FGD2: variants seen among roughly 807,000 people sequenced by gnomAD.
FGD2 encodes FYVE, RhoGEF and PH domain containing 2, also known as FYVE, RhoGEF and PH domain-containing protein 2.
Under a neutral mutation model 75.9 loss-of-function variants are expected in FGD2, and 52 were observed. That is an observed-to-expected ratio of 0.69 (90% confidence interval 0.55 to 0.86). The LOEUF is 0.86. Among genes scored for constraint, FGD2 ranks in the 40% least tolerant of loss-of-function variants. The pLI is 0.00. For synonymous variants in FGD2, 347 were observed against 348.6 expected, an observed-to-expected ratio of 1.00 and a Z score of 0.05; for missense variants, 790 against 872.0, an observed-to-expected ratio of 0.91 and a Z score of 1.18.
intron 14 of FGD2, 61 bp downstream of exon 14, chr6:37,025,999 A>G (rs778947212): frequency 5.8e-5 from 93 of 1,591,700 alleles, no homozygotes; most frequent in Non-Finnish European, 7.8e-5. Context: ...TGTGCCCGGC[A>G]ACCATGCTGG....
chr6:37,022,336 C>T lies in FGD2; in HGVS notation c.1424C>T (p.Thr475Met), dbSNP rs759332299. ...MRCQEPFNAL[T>M]RRRHHCRACG... is the part of the protein sequence containing the mutation. ...TGCCAGGAGCCCTTCAACGCTCTGACGCGCCGTCGCCACCACTGCCGGGCC... is the reference window on the plus strand; with the variant it reads ...TGCCAGGAGCCCTTCAACGCTCTGATGCGCCGTCGCCACCACTGCCGGGCC... Residue 475 changes from threonine to methionine, a missense_variant, in exon 13 of 16, where the codon ACG becomes ATG. Physicochemically the swap from Thr to Met is moderately conservative, Grantham distance 81 (BLOSUM62 -1). Coordinates refer to ENST00000274963, the MANE Select transcript of FGD2 (RefSeq NM_173558.4). The T allele has an allele frequency of 1.6e-5, 26 of 1,589,722 alleles. No homozygotes were observed. The highest frequency in any genetic ancestry group is 2.3e-5 in the East Asian group (1 of 42,662).
chr6:37,027,208 C>T lies in FGD2; in HGVS notation c.1606-221C>T, dbSNP rs1477966796. On this transcript the variant is annotated intron_variant, in intron 14 of 15. Transcript: ENST00000274963. The stretch of plus-strand genomic sequence containing the variant: ...CACCTGCCCCTTGTGGGCACACACG[C>T]GACAGGTTCAGGCAGGCTGGGGTTT... Among the ~76,000 whole-genome samples the T allele has an allele frequency of 2.0e-5, 3 of 152,268 alleles. No homozygotes were observed. In the East Asian group the frequency reaches 5.8e-4, roughly 29 times the overall value.
At chr6:37,027,006 G>GAA (rs111481581) in intron 14 of FGD2, among the ~76,000 whole-genome samples, 2 of 140,074 alleles carry the variant, frequency 1.4e-5, no homozygotes, top group Admixed American at 7.1e-5. Flanking sequence ...GAAACTATCT[G>GAA]AAAAAAAAAA....
In FGD2 at chr6:37,022,369, A is replaced by T. The variant is rs767022309; in HGVS notation, c.1457A>T (p.Tyr486Phe). Residue 486 changes from tyrosine (Y) to phenylalanine (F), a missense_variant and splice_region_variant, in exon 13 of 16, where the codon TAT becomes TTT. Coordinates refer to ENST00000274963, the MANE Select transcript of FGD2 (RefSeq NM_173558.4). ...CGCCACCACTGCCGGGCCTGCGGCT[A>T]TGTGAGTACTCCTGCCAGCACTCCT... ...RRRHHCRACG[Y>F]VVCARCSDYR... The T allele has an allele frequency of 4.4e-6, 7 of 1,576,510 alleles. No homozygotes were observed. The highest frequency in any genetic ancestry group is 6.0e-6 in the Non-Finnish European group (7 of 1,164,536).
intron 8 of FGD2, among the ~76,000 whole-genome samples, chr6:37,015,494 G>A (rs1765240684): frequency 6.6e-6 from 1 of 152,228 alleles, no homozygotes; most frequent in Non-Finnish European, 1.5e-5. Context: ...CTGAGCCCCT[G>A]TTGAGAAAGG....
intron 9 of FGD2, among the ~76,000 whole-genome samples, chr6:37,019,977 C>T (rs925407929): frequency 5.3e-5 from 8 of 151,904 alleles, no homozygotes; most frequent in South Asian, 2.1e-4. Context: ...CTCAGCCTCC[C>T]GAGTAGTTGG....
chr6:37,013,623 G>T lies in FGD2; in HGVS notation c.542G>T (p.Arg181Leu). The T allele has an allele frequency of 6.2e-7, 1 of 1,613,948 alleles. No homozygotes were observed. Among genetic ancestry groups the T allele is most frequent in the Non-Finnish European group, 8.5e-7 (1 of 1,179,892 alleles). The change falls in exon 5 of 16, where the codon CGC becomes CTC. Residue 181 changes from arginine to leucine, a missense_variant. Physicochemically the swap from Arg to Leu is moderately radical, Grantham distance 102. Transcript: ENST00000274963. ...CCCTCCTGCAGGACAGCTAACCCCC[G>T]CATCGGTGACGTGATCCAGAAGCTG... ...RRLDDWTANP[R>L]IGDVIQKLAP...
At chr6:37,012,820 A>G (rs1009498281) in intron 4 of FGD2, among the ~76,000 whole-genome samples, 1 of 151,472 alleles carries the variant, frequency 6.6e-6, no homozygotes, top group Non-Finnish European at 1.5e-5. Context: ...CAAAGATGCT[A>G]AGTGACTTAC....
intron 9 of FGD2, among the ~76,000 whole-genome samples, chr6:37,016,534 A>AT (rs59713417): frequency 0.03 from 4,063 of 136,746 alleles, 71 homozygotes; most frequent in Middle Eastern, 0.075. Flanking sequence ...AATCTTCTGG[A>AT]TTTTTTTTTT....
At chr6:37,026,244 C>T (rs1425185096) in intron 14 of FGD2, 1 of 985,338 alleles carries the variant, frequency 1.0e-6, no homozygotes, top group African/African-American at 1.7e-5. Flanking sequence ...TTCACGTCCC[C>T]ATGTCCTGCC....
chr6:37,020,506 T>G, intron 9 of FGD2, 35 bp from the exon 10 acceptor site: 498 of 1,575,958 alleles, frequency 3.2e-4, no homozygotes, highest in Non-Finnish European at 3.9e-4. Flanking sequence ...CGGGCTATGA[T>G]GAGTCTGAAC....
rs994886256 is a variant in FGD2, at chr6:37,028,303, C to T, written c.*140C>T. On this transcript the variant is annotated 3_prime_UTR_variant, in exon 16 of 16. Coordinates refer to ENST00000274963, the MANE Select transcript of FGD2 (RefSeq NM_173558.4). ...GATTCAGCCATCTGCGCCCAGGCCA[C>T]GTGTCCCGATCTGGGATTAGAAAAT... 74 of 780,010 alleles carry T rather than the reference C, an allele frequency of 9.5e-5. No individual in the cohort carries two copies. The East Asian group carries it at 1.4e-3, about 15-fold the overall frequency. 48.3% of individuals were successfully genotyped at this position (780,010 alleles called of 1,614,324 possible). A position where few individuals can be genotyped will look rare whatever the true frequency, so the allele number is the denominator to read the frequency against.
Position 37,011,685 on chromosome 6 carries a change from G to T in FGD2, c.379-21G>T, listed in dbSNP as rs751304612. On this transcript the variant is annotated intron_variant, in intron 3 of 15. Transcript: ENST00000274963. ...GTGGCTCCCTGTCACTGCAGTGAGT[G>T]ACCTGTCGTGGCGGCTACAGGTGTT... 52 of 1,613,462 alleles carry T rather than the reference G, an allele frequency of 3.2e-5. No individual in the cohort carries two copies. In the Admixed American group the frequency reaches 4.5e-4, roughly 14 times the overall value.
rs116252037 is a variant in FGD2 at position 37,015,605 on chromosome 6, A to G, written c.1030-163A>G. ...CTTGACAGCCCCTTCCTCATCACCT[A>G]CATCATCACCTGTGATGTCCTGTGA... On this transcript the variant is annotated intron_variant, in intron 8 of 15. Transcript: ENST00000274963. 5.1e-3 allele frequency among the ~76,000 whole-genome samples: 776 copies of G among 152,298 alleles called. 9 individuals are homozygous for G. The highest frequency in any genetic ancestry group is 0.017 in the African/African-American group (720 of 41,566).
Position 37,013,952 on chromosome 6 carries a change from C to A in FGD2, c.685-10C>A. 1.2e-6 allele frequency: 2 copies of A among 1,612,130 alleles called. No homozygotes were observed. Among genetic ancestry groups the A allele is most frequent in the East Asian group, 4.5e-5 (2 of 44,876 alleles). ...ACCCTCTCCGTGTTGCTCCCCCATC[C>A]CTCCCCAAGAGCAGCGAGGCTTCGG... On this transcript the variant is annotated splice_polypyrimidine_tract_variant and intron_variant, in intron 5 of 15. Transcript: ENST00000274963.
chr6:37,021,995 G>A, intron 12 of FGD2: 1 of 534,272 alleles, frequency 1.9e-6, no homozygotes, highest in Admixed American at 3.6e-5. Flanking sequence ...CTGGCTTGCT[G>A]AGTGACTGCT....
At chr6:37,024,076 C>T (rs1186397161) in intron 13 of FGD2, 1 of 152,198 alleles carries the variant, frequency 6.6e-6, no homozygotes, top group Non-Finnish European at 1.5e-5. Context: ...TGCAGTGCCT[C>T]ACACCTGTAA....
At position 37,005,875 on chromosome 6, in the gene FGD2, G is replaced by C. The variant is rs1216672111; in HGVS notation, c.58G>C (p.Glu20Gln). Reference sequence around the variant, plus strand: ...TGTGTCCAACCTGGTCACTGTGTTTGAGAATAGCAGGTATGGGCAGCTGGG... The same window carrying C: ...TGTGTCCAACCTGGTCACTGTGTTTCAGAATAGCAGGTATGGGCAGCTGGG... ...ASVSNLVTVF[E>Q]NSRTPEAAPR... The change falls in exon 1 of 16, where the codon GAG becomes CAG. Residue 20 changes from glutamate (E) to glutamine (Q), a missense_variant. Glu to Gln is a conservative substitution (Grantham distance 29). Coordinates refer to ENST00000274963, the MANE Select transcript of FGD2 (RefSeq NM_173558.4). The C allele has an allele frequency of 1.2e-6, 2 of 1,613,752 alleles. No individual in the cohort carries two copies. Among genetic ancestry groups the C allele is most frequent in the Non-Finnish European group, 1.7e-6 (2 of 1,179,936 alleles).
At chr6:37,006,593 G>C (rs1764764506) in intron 1 of FGD2, among the ~76,000 whole-genome samples, 1 of 152,142 alleles carries the variant, frequency 6.6e-6, no homozygotes, top group South Asian at 2.1e-4. Context: ...GGTAGCCCTG[G>C]GAGCATGTGT....
Sources: allele counts gnomAD v4.1 joint callset (sites outside exome capture counted in the v4.1 genomes callset), GRCh38; gene constraint gnomAD v4.1.1; transcripts MANE v1.5; gene names NCBI Gene and HGNC (gene_info 2026-07-23, HGNC 2026-07-21).